The following KDM3A variants were observed in gnomAD, a reference collection of about 807,000 sequenced individuals.
The protein encoded by KDM3A is lysine-specific demethylase 3A.
In KDM3A, 60 loss-of-function variants were observed where a neutral mutation model predicts 158.0. That is an observed-to-expected ratio of 0.38 (90% CI 0.31 to 0.47). The LOEUF is 0.47. Among genes scored for constraint, KDM3A ranks in the 20% least tolerant of loss-of-function variants. KDM3A has a pLI of 0.99. For missense variants in KDM3A, 1,319 were observed against 1,574.3 expected (o/e 0.84, Z 2.74); for synonymous variants, 608 against 549.3 (o/e 1.11, Z -1.49).
At chr2:86,454,645 G>A (rs1672609626) in intron 4 of KDM3A, among the ~76,000 whole-genome samples, 1 of 152,058 alleles carries the variant, frequency 6.6e-6, no homozygotes, top group Non-Finnish European at 1.5e-5. Context: ...TAATTGCAAT[G>A]AATCGACCAT....
chr2:86,486,275 T>G (rs1055471954), intron 21 of KDM3A, among the ~76,000 whole-genome samples: 28 of 152,216 alleles, frequency 1.8e-4, no homozygotes, highest in African/African-American at 5.1e-4. Flanking sequence ...TGTTCTGTGT[T>G]GTTGAGTAGA....
chr2:86,449,823 A>T lies in KDM3A; in HGVS notation c.203A>T (p.Asp68Val). 6.2e-7 allele frequency: 1 copy of T among 1,611,724 alleles called. No individual in the cohort carries two copies. Among genetic ancestry groups the T allele is most frequent in the Non-Finnish European group, 8.5e-7 (1 of 1,179,124 alleles). Reference sequence around the variant, plus strand: ...TCTGTCTAGGTGTGTGTGGAATTTGATGGGGAATCTTGGAGGAAAAGAAGA... The same window carrying T: ...TCTGTCTAGGTGTGTGTGGAATTTGTTGGGGAATCTTGGAGGAAAAGAAGA... ...KKDLKVCVEF[D>V]GESWRKRRWI... is the part of the protein sequence containing the mutation. Residue 68 changes from aspartate to valine, a missense_variant, in exon 3 of 26, where the codon GAT becomes GTT. Transcript: ENST00000312912.
At chr2:86,473,524 C>T (rs905581260) in intron 11 of KDM3A, among the ~76,000 whole-genome samples, 5 of 152,036 alleles carry the variant, frequency 3.3e-5, no homozygotes, top group Non-Finnish European at 4.4e-5. Context: ...GTGGGAGGAT[C>T]GCTTGAGCCC....
chr2:86,437,584 T>C (rs774733533), upstream of KDM3A, among the ~76,000 whole-genome samples: 20 of 152,028 alleles, frequency 1.3e-4, no homozygotes, highest in Non-Finnish European at 1.9e-4. Context: ...TCATTACTTA[T>C]ATATTTATGT....
At position 86,492,278 on chromosome 2, in the gene KDM3A, A is replaced by G. The variant is rs1413929494; in HGVS notation, c.*159A>G. ...ATGTATATTTCTAGTGTTTACAGACAGTAAATGTGTATATGTAGTAACTAT... is the reference window on the plus strand; with the variant it reads ...ATGTATATTTCTAGTGTTTACAGACGGTAAATGTGTATATGTAGTAACTAT... On this transcript the variant is annotated 3_prime_UTR_variant, in exon 26 of 26. Coordinates refer to ENST00000312912, the MANE Select transcript of KDM3A (RefSeq NM_018433.6). The G allele has an allele frequency of 1.9e-5, 11 of 593,396 alleles. No homozygotes were observed. Among genetic ancestry groups the G allele is most frequent in the East Asian group, 2.8e-5 (1 of 35,600 alleles). 36.8% of individuals were successfully genotyped at this position (593,396 alleles called of 1,614,324 possible).
intron 17 of KDM3A, 138 bp from the exon 18 acceptor site, chr2:86,482,320 G>A (rs1024269568): frequency 7.2e-7 from 1 of 1,390,428 alleles, no homozygotes; most frequent in African/African-American, 1.5e-5. Flanking sequence ...GTCAAGTGGG[G>A]ACAGGGGACG....
chr2:86,482,680 T>C lies in KDM3A; in HGVS notation c.2908T>C (p.Trp970Arg). The stretch of plus-strand genomic sequence containing the variant: ...CAACTGGAATGTGTTTAGGGAGTGC[T>C]GGAAACAAGGGCAGGTAATGTAGGC... ...KSNWNVFREC[W>R]KQGQPVMVSG... is the part of the protein sequence containing the mutation. Residue 970 changes from tryptophan (W) to arginine (R), a missense_variant, in exon 18 of 26, where the codon TGG (tryptophan) becomes CGG (arginine). By Grantham distance (101) the Trp-to-Arg change is moderately radical (BLOSUM62 -3). This residue lies in a region of KDM3A where 368 missense variants were observed against 415.8 expected (regional missense o/e 0.89). Transcript: ENST00000312912. The C allele has an allele frequency of 1.2e-6, 2 of 1,613,946 alleles. No homozygotes were observed. Among genetic ancestry groups the C allele is most frequent in the Non-Finnish European group, 1.7e-6 (2 of 1,179,990 alleles).
chr2:86,438,735 C>T (rs1279634763), upstream of KDM3A, among the ~76,000 whole-genome samples: 1 of 151,802 alleles, frequency 6.6e-6, no homozygotes, highest in Non-Finnish European at 1.5e-5. Context: ...TAGTGTGCAC[C>T]CCCTAATACC....
intron 10 of KDM3A, among the ~76,000 whole-genome samples, chr2:86,468,034 A>G (rs1189995199): frequency 6.6e-6 from 1 of 152,184 alleles, no homozygotes; most frequent in African/African-American, 2.4e-5. Flanking sequence ...TCAAAAAACA[A>G]ACAAACGAAA....
intron 4 of KDM3A, among the ~76,000 whole-genome samples, 155 bp from the exon 5 acceptor site, chr2:86,454,930 C>G (rs1347607904): frequency 3.3e-5 from 5 of 152,162 alleles, no homozygotes; most frequent in Non-Finnish European, 7.3e-5. Flanking sequence ...TTTGAGCCAT[C>G]TGGTTTACTG....
intron 2 of KDM3A, among the ~76,000 whole-genome samples, chr2:86,445,056 A>G (rs1682899758): frequency 6.6e-6 from 1 of 152,192 alleles, no homozygotes; most frequent in African/African-American, 2.4e-5. Context: ...AGTGTCAAAA[A>G]CTGAGGCTTA....
intron 12 of KDM3A, among the ~76,000 whole-genome samples, chr2:86,476,884 A>G (rs1402206494): frequency 2.0e-5 from 3 of 152,212 alleles, no homozygotes; most frequent in Non-Finnish European, 2.9e-5. Flanking sequence ...TGGATTAGGA[A>G]AAAGATGTTC....
intron 3 of KDM3A, 144 bp downstream of exon 3, chr2:86,450,106 C>T (rs1672380200): frequency 6.2e-6 from 5 of 808,726 alleles, no homozygotes; most frequent in Admixed American, 2.8e-5. Flanking sequence ...CTCTGCACTT[C>T]TGAGCGAGTC....
At chr2:86,441,841 G>A (rs1282965907) in intron 1 of KDM3A, among the ~76,000 whole-genome samples, 177 bp from the exon 2 acceptor site, 3 of 149,780 alleles carry the variant, frequency 2.0e-5, no homozygotes, top group African/African-American at 7.3e-5. Flanking sequence ...GGGCCCGGGT[G>A]TGTGGCGGGG....
chr2:86,452,148 G>T (rs1486005735), intron 4 of KDM3A, among the ~76,000 whole-genome samples: 4 of 150,694 alleles, frequency 2.7e-5, no homozygotes, highest in Middle Eastern at 3.5e-3. Flanking sequence ...CACTTATGCT[G>T]TAAACAGGTG....
intron 10 of KDM3A, among the ~76,000 whole-genome samples, chr2:86,468,993 C>T (rs911646510): frequency 6.6e-6 from 1 of 152,190 alleles, no homozygotes; most frequent in Non-Finnish European, 1.5e-5. Flanking sequence ...CCTGGCTCAA[C>T]TCAAAGGATG....
rs1158782921 is a variant in KDM3A at position 86,483,993 on chromosome 2, A to T, written c.2929A>T (p.Met977Leu). Residue 977 changes from methionine to leucine, a missense_variant, in exon 19 of 26, where the codon ATG (methionine) becomes TTG (leucine). Met to Leu is a conservative substitution (Grantham distance 15). Transcript: ENST00000312912. ...TTTCCTTCTCTTCATTTAGCCAGTG[A>T]TGGTGTCTGGAGTGCATCATAAATT... ...RECWKQGQPV[M>L]VSGVHHKLNS... 8.1e-6 allele frequency: 13 copies of T among 1,610,182 alleles called. No homozygotes were observed. The highest frequency in any genetic ancestry group is 3.4e-5 in the Admixed American group (2 of 59,230).
intron 11 of KDM3A, among the ~76,000 whole-genome samples, chr2:86,473,506 A>G (rs1393665257): frequency 6.6e-6 from 1 of 152,184 alleles, no homozygotes; most frequent in Non-Finnish European, 1.5e-5. Context: ...GCACTTCAGG[A>G]GACCAAGGTG....
upstream of KDM3A, among the ~76,000 whole-genome samples, chr2:86,438,294 T>G (rs1287438595): frequency 2.0e-5 from 3 of 152,108 alleles, no homozygotes; most frequent in African/African-American, 7.2e-5. Flanking sequence ...AAATTAAATT[T>G]TAAAAGTAAC....
Sources: gnomAD v4.1 joint callset for allele counts (sites outside exome capture counted in the v4.1 genomes callset) on GRCh38, gnomAD v4.1.1 for gene constraint, gnomAD v4.1.1 regional missense constraint, MANE v1.5 for transcripts, NCBI Gene and HGNC (gene_info 2026-07-23, HGNC 2026-07-21) for gene names.